OGG1: variants seen among roughly 807,000 people sequenced by gnomAD.
OGG1 encodes the protein 8-oxoguanine DNA glycosylase, also known as N-glycosylase/DNA lyase.
In OGG1, 35 loss-of-function variants were observed where a neutral mutation model predicts 42.3. The observed-to-expected ratio is 0.83, with a 90% CI of 0.63 to 1.10. The LOEUF (loss-of-function observed/expected upper bound fraction) is 1.10. OGG1 is among the 50% of genes least tolerant of loss of function. OGG1 has a pLI of 0.00. For missense variants in OGG1, 484 were observed against 446.7 expected (o/e 1.08, Z -0.75); for synonymous variants, 189 against 179.0 (o/e 1.06, Z -0.44).
At chr3:9,759,161 C>T (rs2077727359), downstream of OGG1, 1 of 1,552,616 alleles carries the variant, frequency 6.4e-7, no homozygotes, top group Admixed American at 1.7e-5. Context: ...TCCGCTATGC[C>T]TCACTAATTC....
chr3:9,780,599 C>A, intron 2 of OGG1: 1 of 1,542,674 alleles, frequency 6.5e-7, no homozygotes, highest in Non-Finnish European at 8.7e-7. Flanking sequence ...CTCCAGAGAA[C>A]AACCCCTCCC....
intron 7 of OGG1, chr3:9,765,753 A>G (rs914050672): frequency 3.1e-6 from 5 of 1,613,732 alleles, no homozygotes; most frequent in Non-Finnish European, 3.4e-6. Context: ...GCTGTGGCCC[A>G]CGCACTTGTG....
intron 3 of OGG1, chr3:9,787,093 C>CA: frequency 6.2e-7 from 1 of 1,614,220 alleles, no homozygotes; most frequent in Non-Finnish European, 8.5e-7. Context: ...CAGACTTCTT[C>CA]AGCAGGGCAT....
downstream of OGG1, chr3:9,760,916 T>A: frequency 8.8e-7 from 1 of 1,141,910 alleles, no homozygotes; most frequent in East Asian, 2.6e-5. Flanking sequence ...CTCACTCCTG[T>A]TCTAGCTACA....
downstream of OGG1, chr3:9,767,810 A>G (rs765107970): frequency 9.4e-6 from 15 of 1,603,316 alleles, no homozygotes; most frequent in Non-Finnish European, 1.3e-5. Context: ...GAGGAGACTC[A>G]GCAGAGCCCA....
chr3:9,789,588 C>A (rs200008508), downstream of OGG1: 192 of 1,614,052 alleles, frequency 1.2e-4, no homozygotes, highest in Non-Finnish European at 1.6e-4. Context: ...GATGTCAGCA[C>A]AGTAGGGCTC....
At chr3:9,784,207 C>A in intron 3 of OGG1, 1 of 1,608,770 alleles carries the variant, frequency 6.2e-7, no homozygotes, top group Admixed American at 1.7e-5. Flanking sequence ...ACTTAGTATG[C>A]GGCACACTGC....
chr3:9,785,494 A>G, intron 3 of OGG1: 1 of 1,050,798 alleles, frequency 9.5e-7, no homozygotes, highest in Non-Finnish European at 1.4e-6. Flanking sequence ...TCTGACCTAC[A>G]CTGACAGTCT....
intron 2 of OGG1, among the ~76,000 whole-genome samples, chr3:9,779,190 C>G (rs2078406165): frequency 6.6e-6 from 1 of 152,140 alleles, no homozygotes; most frequent in South Asian, 2.1e-4. Flanking sequence ...TACTCTCTCT[C>G]CACCACCTTG....
chr3:9,767,601 G>C, downstream of OGG1: 2 of 1,601,160 alleles, frequency 1.2e-6, no homozygotes, highest in Admixed American at 1.7e-5. Context: ...TAATTGACCA[G>C]AGGAAGCCCC....
intron 3 of OGG1, among the ~76,000 whole-genome samples, chr3:9,782,790 CA>C (rs36123956): frequency 0.012 from 1,393 of 119,962 alleles, 21 homozygotes; most frequent in African/African-American, 0.042. Context: ...GACACCGTCT[CA>C]AAAAAAAAAA....
chr3:9,757,787 G>A, downstream of OGG1: 1 of 1,614,064 alleles, frequency 6.2e-7, no homozygotes, highest in Non-Finnish European at 8.5e-7. The surrounding 1 kb of genome is among the most constrained non-coding windows in gnomAD (Gnocchi z 4.5). Context: ...GCCCCTCCTG[G>A]CTGGTGCCCA....
chr3:9,758,659 T>G (rs1397323256), downstream of OGG1: 1 of 158,250 alleles, frequency 6.3e-6, no homozygotes, highest in African/African-American at 2.4e-5. Flanking sequence ...AGGTGGAGTC[T>G]CACTTTGTTG....
intron 1 of OGG1, chr3:9,750,669 T>C (rs2125528184): frequency 2.9e-6 from 2 of 700,848 alleles, no homozygotes; most frequent in South Asian, 3.6e-5. Flanking sequence ...AGACAGGGTC[T>C]CGCTCTGTTG....
downstream of OGG1, chr3:9,761,998 A>C: frequency 2.2e-6 from 1 of 464,728 alleles, no homozygotes; most frequent in Non-Finnish European, 3.8e-6. Flanking sequence ...TAAAGCCCTA[A>C]AGGAATGTTT....
At chr3:9,757,842 G>C (rs753082810), downstream of OGG1, 1 of 1,604,056 alleles carries the variant, frequency 6.2e-7, no homozygotes, top group East Asian at 2.2e-5. The surrounding 1 kb of genome is among the most constrained non-coding windows in gnomAD (Gnocchi z 4.5). Context: ...GGCATTGAAG[G>C]CTTGCTGGCA....
At chr3:9,761,039 C>G (rs948031198), downstream of OGG1, 19 of 441,510 alleles carry the variant, frequency 4.3e-5, no homozygotes, top group African/African-American at 3.6e-4. Flanking sequence ...GTCTGGCTCC[C>G]TCACCACTCG....
chr3:9,783,947 T>G, intron 3 of OGG1: 1 of 1,479,636 alleles, frequency 6.8e-7, no homozygotes, highest in Non-Finnish European at 9.0e-7. Context: ...GAAAGCCTGT[T>G]GTAAAACCCC....
At chr3:9,790,537 C>G (rs1454736652), downstream of OGG1, among the ~76,000 whole-genome samples, 1 of 152,220 alleles carries the variant, frequency 6.6e-6, no homozygotes, top group Non-Finnish European at 1.5e-5. Context: ...CCATAAGCTA[C>G]TGAGGACCAG....
Sources: allele counts gnomAD v4.1 joint callset (sites outside exome capture counted in the v4.1 genomes callset), GRCh38; gene constraint gnomAD v4.1.1; non-coding constraint Gnocchi (gnomAD v3.1); transcripts MANE v1.5; gene names NCBI Gene and HGNC (gene_info 2026-07-23, HGNC 2026-07-21).